Variants in SNTG1 observed in about 807,000 individuals in gnomAD.
The protein encoded by SNTG1 is gamma-1-syntrophin.
Under a neutral mutation model 74.7 loss-of-function variants are expected in SNTG1, and 39 were observed. That is an observed-to-expected ratio of 0.52 (90% CI 0.40 to 0.68). The LOEUF is 0.68. SNTG1 is among the 30% of genes least tolerant of loss of function. The pLI is 0.00. For missense variants in SNTG1, 685 were observed against 609.5 expected (o/e 1.12, Z -1.30); for synonymous variants, 254 against 217.1 (o/e 1.17, Z -1.49).
intron 1 of SNTG1, among the ~76,000 whole-genome samples, chr8:50,115,452 GC>G (rs1349168777): frequency 2.6e-5 from 4 of 151,652 alleles, no homozygotes; most frequent in South Asian, 4.2e-4. Context: ...TGTAATCTCA[GC>G]TACTGGGGTG....
chr8:50,723,919 G>C (rs184932040), intron 17 of SNTG1, among the ~76,000 whole-genome samples: 1 of 152,298 alleles, frequency 6.6e-6, no homozygotes, highest in Non-Finnish European at 1.5e-5. Context: ...GCTATGAAAT[G>C]AGTAGGAGTA....
intron 1 of SNTG1, among the ~76,000 whole-genome samples, chr8:50,075,317 C>G (rs555158132): frequency 6.6e-6 from 1 of 152,286 alleles, no homozygotes; most frequent in African/African-American, 2.4e-5. Flanking sequence ...CAGCAAGGCT[C>G]CTGAGTCGGG....
chr8:49,967,930 TG>T (rs1259182590), intron 1 of SNTG1, among the ~76,000 whole-genome samples: 1 of 152,098 alleles, frequency 6.6e-6, no homozygotes. Context: ...TCCCCAGGAC[TG>T]TGCACTTTTC....
chr8:50,464,553 A>C (rs1350298468), intron 8 of SNTG1, among the ~76,000 whole-genome samples: 1 of 152,130 alleles, frequency 6.6e-6, no homozygotes. Flanking sequence ...TTTATCAATT[A>C]AGTTTGCTGC....
At chr8:50,732,161 A>G (rs1298202949) in intron 17 of SNTG1, among the ~76,000 whole-genome samples, 1 of 151,944 alleles carries the variant, frequency 6.6e-6, no homozygotes, top group Non-Finnish European at 1.5e-5. Context: ...AAGTCTGTTC[A>G]CTCTTAAAAG....
intron 2 of SNTG1, among the ~76,000 whole-genome samples, chr8:50,223,046 C>A (rs1413942806): frequency 6.6e-6 from 1 of 151,926 alleles, no homozygotes; most frequent in African/African-American, 2.4e-5. Context: ...CCCTGAAAAC[C>A]TTGGTACCAA....
At chr8:50,502,984 C>T in intron 9 of SNTG1, 104 bp downstream of exon 9, 1 of 925,876 alleles carries the variant, frequency 1.1e-6, no homozygotes, top group Non-Finnish European at 1.6e-6. Context: ...GAGATTTTTG[C>T]CTGACTGTAA....
chr8:50,007,124 G>A (rs1815312617), intron 1 of SNTG1, among the ~76,000 whole-genome samples: 1 of 152,072 alleles, frequency 6.6e-6, no homozygotes, highest in African/African-American at 2.4e-5. Context: ...CTACTGGTTT[G>A]CCTCAACTTG....
In SNTG1 at chr8:50,306,136, G is replaced by A. The variant is rs556810372; in HGVS notation, c.-27-88076G>A. Among the ~76,000 whole-genome samples, 40 of 144,614 alleles carry A rather than the reference G, an allele frequency of 2.8e-4. No homozygotes were observed. In the South Asian group the frequency reaches 8.8e-3, roughly 32 times the overall value. The allele number at this position is 144,614 out of a possible 152,430, so 94.9% of individuals were successfully genotyped here. On this transcript the variant is annotated intron_variant, in intron 2 of 18. Transcript: ENST00000642720. ...TAGGTTAGCTCTCACTTATAAGTAA[G>A]AATATACAGTATTTGATTTTCCATT...
At chr8:50,435,971 T>C (rs10957914) in intron 4 of SNTG1, among the ~76,000 whole-genome samples, 105,204 of 151,792 alleles carry the variant, frequency 0.69, 40,484 homozygotes, top group Non-Finnish European at 0.86. Context: ...GACCCTGCGA[T>C]GCTTGTTGTT....
chr8:50,705,780 C>T (rs148273722), intron 16 of SNTG1, among the ~76,000 whole-genome samples: 24 of 152,238 alleles, frequency 1.6e-4, no homozygotes, highest in Non-Finnish European at 2.9e-4. Flanking sequence ...CTTTATAGAG[C>T]CCTCAGCTTC....
intron 8 of SNTG1, among the ~76,000 whole-genome samples, chr8:50,471,598 C>T (rs918969547): frequency 6.6e-6 from 1 of 152,154 alleles, no homozygotes; most frequent in Non-Finnish European, 1.5e-5. Flanking sequence ...TACAATGCCA[C>T]ATGCCCACTC....
At chr8:50,372,487 T>C (rs779381615) in intron 2 of SNTG1, among the ~76,000 whole-genome samples, 18 of 152,162 alleles carry the variant, frequency 1.2e-4, no homozygotes, top group Non-Finnish European at 1.6e-4. Context: ...TCTGCCATCT[T>C]CCTGATACTT....
chr8:50,606,220 G>C (rs574786670), intron 13 of SNTG1, among the ~76,000 whole-genome samples: 17 of 152,218 alleles, frequency 1.1e-4, no homozygotes, highest in Admixed American at 2.0e-4. Flanking sequence ...GGGTATTTTT[G>C]AAATTGCATT....
chr8:50,666,461 A>T (rs73676390), intron 15 of SNTG1, among the ~76,000 whole-genome samples: 2,302 of 152,120 alleles, frequency 0.015, 49 homozygotes, highest in African/African-American at 0.052. Context: ...TAGAAGGTAC[A>T]CACACACTGA....
At chr8:50,272,310 G>T (rs190163626) in intron 2 of SNTG1, among the ~76,000 whole-genome samples, 34 of 152,232 alleles carry the variant, frequency 2.2e-4, no homozygotes, top group Admixed American at 5.9e-4. Context: ...ATATTCTTCT[G>T]GGACAGTTCA....
intron 2 of SNTG1, among the ~76,000 whole-genome samples, chr8:50,367,107 G>T (rs955270822): frequency 7.9e-5 from 12 of 151,848 alleles, no homozygotes; most frequent in Admixed American, 7.9e-4. Context: ...TTGTTCTGAT[G>T]TGAGCATAGG....
At chr8:50,636,026 T>C (rs2095036863) in intron 13 of SNTG1, among the ~76,000 whole-genome samples, 1 of 151,714 alleles carries the variant, frequency 6.6e-6, no homozygotes, top group Admixed American at 6.6e-5. Context: ...GAATTTGCTA[T>C]TTCTCTTTAA....
At chr8:50,520,602 G>A (rs1237849056) in intron 9 of SNTG1, among the ~76,000 whole-genome samples, 1 of 152,156 alleles carries the variant, frequency 6.6e-6, no homozygotes, top group Non-Finnish European at 1.5e-5. Context: ...CCATCAAAAA[G>A]TGGGCAAAGG....
Sources: gnomAD v4.1 joint callset for allele counts (sites outside exome capture counted in the v4.1 genomes callset) on GRCh38, gnomAD v4.1.1 for gene constraint, MANE v1.5 for transcripts, NCBI Gene and HGNC (gene_info 2026-07-23, HGNC 2026-07-21) for gene names.